CRLF2: variants seen among roughly 807,000 people sequenced by gnomAD.
CRLF2 encodes cytokine receptor like factor 2, also known as cytokine receptor-like factor 2.
Under a neutral mutation model 38.7 loss-of-function variants are expected in CRLF2, and 41 were observed. The ratio of observed to expected loss-of-function variants is 1.06; its 90% CI spans 0.83 to 1.37. CRLF2 has a LOEUF of 1.37. CRLF2 is among the 40% of genes most tolerant of loss of function. The pLI is 0.00. For synonymous variants in CRLF2, 140 were observed against 128.8 expected, an observed-to-expected ratio of 1.09 and a Z score of -0.59; for missense variants, 377 against 322.2, an observed-to-expected ratio of 1.17 and a Z score of -1.30.
At chrX:1,210,500 C>T (rs1489648330) in intron 1 of CRLF2, among the ~76,000 whole-genome samples, 8 of 152,092 alleles carry the variant, frequency 5.3e-5, no homozygotes, top group African/African-American at 1.9e-4. Context: ...TTAGTACAGA[C>T]GGGGTTTCAC....
At chrX:1,191,346 C>CCTTTCT (rs1556415570) in intron 7 of CRLF2, among the ~76,000 whole-genome samples, 186 bp from the exon 8 acceptor site, 1 of 44,700 alleles carries the variant, frequency 2.2e-5, no homozygotes, top group Non-Finnish European at 4.6e-5. Flanking sequence ...TCTTTCTTTC[C>CCTTTCT]TTCTTTCTTT....
rs1436516422 is a variant in CRLF2 at position 1,192,234 on chromosome X, G to C, written c.852+984C>G. ...AAAAAAAAAAAACAAAAAAAACCTA[G>C]TTTGAGCCATAATGGGAAGTCAGAG... On this transcript the variant is annotated intron_variant, in intron 7 of 7. Coordinates refer to ENST00000400841, the MANE Select transcript of CRLF2 (RefSeq NM_022148.4). Among the ~76,000 whole-genome samples the C allele has an allele frequency of 6.4e-4, 92 of 144,872 alleles. 1 individual carries two copies. The highest frequency in any genetic ancestry group is 2.3e-3 in the African/African-American group (90 of 39,432).
At position 1,192,721 on chromosome X, in the gene CRLF2, TTTCTTTC is replaced by T. The variant is rs1374249119; in HGVS notation, c.852+490_852+496del. On this transcript the variant is annotated intron_variant, in intron 7 of 7. Coordinates refer to ENST00000400841, the MANE Select transcript of CRLF2 (RefSeq NM_022148.4). ...TCTTTTCTTTTCTTTTCTTTCTTTC[TTTCTTTC>T]TTTCTTTCTTTCTTTCTTTCTTTCT... is the stretch of plus-strand genomic sequence containing the variant. 2.1e-3 allele frequency among the ~76,000 whole-genome samples: 137 copies of T among 65,296 alleles called. 1 individual carries two copies. The Middle Eastern group carries it at 0.03, about 14-fold the overall frequency. 42.8% of individuals were successfully genotyped at this position (65,296 alleles called of 152,430 possible). A position where few individuals can be genotyped will look rare whatever the true frequency, so the allele number is the denominator to read the frequency against.
intron 6 of CRLF2, among the ~76,000 whole-genome samples, chrX:1,196,129 C>T (rs1316497725): frequency 6.8e-6 from 1 of 146,758 alleles, no homozygotes; most frequent in African/African-American, 2.5e-5. Context: ...GATCCACCTG[C>T]CTCGGCCTCC....
intron 3 of CRLF2, 129 bp downstream of exon 3, chrX:1,206,304 G>A (rs2086690032): frequency 5.0e-6 from 4 of 803,364 alleles, no homozygotes; most frequent in Non-Finnish European, 8.4e-6. Flanking sequence ...AAGGCATGGT[G>A]AGCTTGCTTC....
chrX:1,200,546 G>C (rs1314333246), intron 4 of CRLF2, among the ~76,000 whole-genome samples: 5 of 148,222 alleles, frequency 3.4e-5, no homozygotes, highest in Non-Finnish European at 3.0e-5. Context: ...GTATATATGT[G>C]TGGGTATATA....
chrX:1,209,093 G>C (rs1222007498), intron 1 of CRLF2, among the ~76,000 whole-genome samples, 185 bp from the exon 2 acceptor site: 1 of 151,168 alleles, frequency 6.6e-6, no homozygotes, highest in African/African-American at 2.4e-5. Flanking sequence ...TCAGCCTCCC[G>C]AGTAGCCGGG....
At chrX:1,209,524 G>C (rs1416792876) in intron 1 of CRLF2, among the ~76,000 whole-genome samples, 1 of 150,502 alleles carries the variant, frequency 6.6e-6, no homozygotes, top group Non-Finnish European at 1.5e-5. Context: ...GTAGAGATGG[G>C]GTTTCACTGT....
Position 1,206,464 on chromosome X carries a change from A to G in CRLF2, c.318T>C (p.Val106=). Residue 106 remains valine, a synonymous_variant, in exon 3 of 8, where the codon GTT becomes GTC. Transcript: ENST00000400841. ...YFSIRNGTHP[V]FTASRWMVYY... is the part of the protein sequence containing the mutation. ...AAACCATCCAGCGACTTGCGGTGAA[A>G]ACGGGGTGCGTCCCATTCCTGATGG... 6.2e-7 allele frequency: 1 copy of G among 1,613,548 alleles called. No homozygotes were observed. The highest frequency in any genetic ancestry group is 8.5e-7 in the Non-Finnish European group (1 of 1,179,646).
chrX:1,192,009 T>G (rs1266565746), intron 7 of CRLF2, among the ~76,000 whole-genome samples: 10,522 of 141,270 alleles, frequency 0.074, 914 homozygotes, highest in African/African-American at 0.21. Context: ...ATCGAGACCA[T>G]CCCGACTAAC....
At chrX:1,198,941 A>AGG (rs1377601155) in intron 4 of CRLF2, 18 of 584,976 alleles carry the variant, frequency 3.1e-5, no homozygotes, top group Non-Finnish European at 4.9e-5. Context: ...CTGAGGTCGC[A>AGG]AGTTCGAGAC....
At chrX:1,208,727 G>T in intron 2 of CRLF2, 79 bp downstream of exon 2, 2 of 860,412 alleles carry the variant, frequency 2.3e-6, no homozygotes, top group Non-Finnish European at 4.0e-6. Context: ...TTGTTCTCAA[G>T]CATTCCCAAT....
In CRLF2 at chrX:1,196,904, A is replaced by G. The variant is rs779150977; in HGVS notation, c.647-4T>C. On this transcript the variant is annotated splice_polypyrimidine_tract_variant and splice_region_variant and intron_variant, in intron 5 of 7. Coordinates refer to ENST00000400841, the MANE Select transcript of CRLF2 (RefSeq NM_022148.4). ...GTTGGTGTCTCTGCACAGGCATCTG[A>G]AACAAAATGAAAAGGCGGCTGTCAG... is the stretch of plus-strand genomic sequence containing the variant. The G allele has an allele frequency of 1.2e-6, 2 of 1,611,442 alleles. No individual in the cohort carries two copies. Among genetic ancestry groups the G allele is most frequent in the Non-Finnish European group, 1.7e-6 (2 of 1,178,892 alleles).
intron 2 of CRLF2, among the ~76,000 whole-genome samples, chrX:1,207,511 C>G (rs866875700): frequency 0.011 from 811 of 74,460 alleles, 10 homozygotes; most frequent in Middle Eastern, 0.027. Context: ...ACCCCCCCCC[C>G]CCTCAGCCTC....
rs1287821576 is a variant in CRLF2, at chrX:1,190,903, C to T, written c.1110G>A (p.Ala370=). 2.5e-5 allele frequency: 10 copies of T among 398,704 alleles called. No homozygotes were observed. Among genetic ancestry groups the T allele is most frequent in the Admixed American group, 1.8e-4 (4 of 22,726 alleles). The allele number at this position is 398,704 out of a possible 1,614,324, so 24.7% of individuals were successfully genotyped here. The part of the protein sequence containing the change: ...TFVMNDRSYV[A]L ...TTTGACAGTGGTGTGTCCATCACAACGCCACGTAGGAGCGGTCATTCATCA... is the reference window on the plus strand; with the variant it reads ...TTTGACAGTGGTGTGTCCATCACAATGCCACGTAGGAGCGGTCATTCATCA... The change falls in exon 8 of 8, where the codon GCG becomes GCA. Residue 370 remains alanine (A), a synonymous_variant. Transcript: ENST00000400841.
intron 6 of CRLF2, among the ~76,000 whole-genome samples, chrX:1,196,381 T>C (rs1362295511): frequency 1.3e-5 from 2 of 151,664 alleles, no homozygotes; most frequent in Non-Finnish European, 2.9e-5. Context: ...AGAGACGGGG[T>C]TTCACCATGT....
intron 6 of CRLF2, among the ~76,000 whole-genome samples, chrX:1,195,963 TTAAA>T (rs2086467357): frequency 7.1e-6 from 1 of 141,580 alleles, no homozygotes; most frequent in Non-Finnish European, 1.5e-5. Context: ...TATATATAAA[TTAAA>T]TATATATTAT....
chrX:1,210,712 GAT>G (rs2086782115), intron 1 of CRLF2, among the ~76,000 whole-genome samples: 1 of 152,154 alleles, frequency 6.6e-6, no homozygotes, highest in African/African-American at 2.4e-5. Context: ...AGGATAGATA[GAT>G]ACAGATAGAT....
At chrX:1,200,614 G>A (rs28781648) in intron 4 of CRLF2, among the ~76,000 whole-genome samples, 5,612 of 48,424 alleles carry the variant, frequency 0.12, 1,140 homozygotes, top group East Asian at 0.26. Flanking sequence ...GTGTATATAC[G>A]TGTGTATAAA....
Sources: allele counts gnomAD v4.1 joint callset (sites outside exome capture counted in the v4.1 genomes callset), GRCh38; gene constraint gnomAD v4.1.1; transcripts MANE v1.5; gene names NCBI Gene and HGNC (gene_info 2026-07-23, HGNC 2026-07-21).